The following SDK1 variants were observed in gnomAD, a reference collection of about 807,000 sequenced individuals.
SDK1 encodes protein sidekick-1.
SDK1 carries 157 observed loss-of-function variants against 245.5 expected under a neutral mutation model. The observed-to-expected ratio is 0.64, with a 90% CI of 0.56 to 0.73. The LOEUF is 0.73. Ranked by LOEUF, SDK1 falls within the 30% of genes least tolerant of loss-of-function variation. The probability of loss-of-function intolerance (pLI) is 0.00; values close to 1 mark genes in which losing one functional copy is unlikely to be tolerated. For missense variants in SDK1, 3,583 were observed against 3,002.3 expected, an observed-to-expected ratio of 1.19 and a Z score of -4.52; for synonymous variants, 1,647 against 1,278.5, an observed-to-expected ratio of 1.29 and a Z score of -6.15.
At chr7:3,852,770 A>T (rs1217101867) in intron 5 of SDK1, among the ~76,000 whole-genome samples, 1 of 151,046 alleles carries the variant, frequency 6.6e-6, no homozygotes, top group East Asian at 1.9e-4. Flanking sequence ...AAAAAAAAAA[A>T]AAAAAATTTT....
chr7:3,900,626 T>C (rs558056091), intron 5 of SDK1, among the ~76,000 whole-genome samples: 2 of 152,284 alleles, frequency 1.3e-5, no homozygotes, highest in South Asian at 4.1e-4. Flanking sequence ...TTTTGGAAGA[T>C]TTCAACCTGC....
chr7:3,953,160 G>A (rs1303274485), intron 7 of SDK1, among the ~76,000 whole-genome samples: 3 of 135,506 alleles, frequency 2.2e-5, no homozygotes, highest in Non-Finnish European at 4.8e-5. Context: ...CTGCCACTTT[G>A]CAAAATAAGG....
intron 26 of SDK1, chr7:4,129,638 C>T: frequency 1.5e-6 from 2 of 1,325,038 alleles, no homozygotes; most frequent in South Asian, 1.9e-5. Flanking sequence ...GCAGTTGGGC[C>T]CTCAGATCTT....
intron 4 of SDK1, among the ~76,000 whole-genome samples, chr7:3,678,695 G>C (rs2114980567): frequency 6.6e-6 from 1 of 152,254 alleles, no homozygotes; most frequent in East Asian, 1.9e-4. Flanking sequence ...AAAAGTTCTG[G>C]ATAGAAATAG....
intron 5 of SDK1, among the ~76,000 whole-genome samples, chr7:3,899,207 C>T (rs1339199826): frequency 6.6e-6 from 1 of 152,200 alleles, no homozygotes; most frequent in African/African-American, 2.4e-5. Context: ...AACCTCCATG[C>T]TCTTCTTAAT....
intron 40 of SDK1, among the ~76,000 whole-genome samples, chr7:4,228,429 C>T (rs10269222): frequency 0.073 from 11,109 of 152,302 alleles, 469 homozygotes; most frequent in Middle Eastern, 0.13. Context: ...GAAGTTCAAA[C>T]CCTGGGCCTC....
intron 19 of SDK1, among the ~76,000 whole-genome samples, chr7:4,062,608 G>T (rs1779611332): frequency 6.6e-6 from 1 of 152,126 alleles, no homozygotes; most frequent in South Asian, 2.1e-4. Flanking sequence ...CTCATTTTAT[G>T]AGGTCAGTGT....
rs1007978461 is a variant in SDK1, at chr7:3,969,390, C to G, written c.1680C>G (p.Gly560=). 4 of 1,606,538 alleles carry G rather than the reference C, an allele frequency of 2.5e-6. No individual in the cohort carries two copies. The highest frequency in any genetic ancestry group is 2.2e-5 in the South Asian group (2 of 88,958). The change falls in exon 11 of 45, where the codon GGC becomes GGG. Residue 560 remains glycine (G), a synonymous_variant. Transcript: ENST00000404826. ...CCTGCTATGCGGCCAACACAGAGGG[C>G]TCCCTGAATGCATCGGCCACGCTCA... ...NYTCYAANTE[G]SLNASATLTV...
chr7:4,207,995 C>T (rs1323377294), intron 36 of SDK1, 104 bp from the exon 37 acceptor site: 1 of 845,150 alleles, frequency 1.2e-6, no homozygotes, highest in Non-Finnish European at 1.9e-6. Flanking sequence ...CACAGCTCGC[C>T]CCAGAACTCA....
At chr7:3,731,438 G>T (rs1028938400) in intron 4 of SDK1, among the ~76,000 whole-genome samples, 1 of 152,200 alleles carries the variant, frequency 6.6e-6, no homozygotes, top group African/African-American at 2.4e-5. Flanking sequence ...TGCCATTGCT[G>T]GTGAAATACA....
At chr7:3,592,160 G>T (rs150705480) in intron 1 of SDK1, among the ~76,000 whole-genome samples, 96 of 152,236 alleles carry the variant, frequency 6.3e-4, no homozygotes, top group South Asian at 2.1e-3. Context: ...TTGACTGACC[G>T]CCTGCTGATA....
chr7:4,243,639 C>T (rs1427366537), intron 43 of SDK1, among the ~76,000 whole-genome samples: 1 of 151,988 alleles, frequency 6.6e-6, no homozygotes. Flanking sequence ...GACTTATTCA[C>T]TCTCACGAGA....
At chr7:3,528,426 GATCCTAAGGTGTGAGAAAGTGCTT>G (rs1783225887) in intron 1 of SDK1, among the ~76,000 whole-genome samples, 1 of 151,946 alleles carries the variant, frequency 6.6e-6, no homozygotes, top group African/African-American at 2.4e-5. Context: ...AGTGATCCAG[GATCCTAAGGTGTGAGAAAGTGCTT>G]AGATTTTATT....
At chr7:3,875,597 C>G (rs1037318525) in intron 5 of SDK1, among the ~76,000 whole-genome samples, 8 of 152,200 alleles carry the variant, frequency 5.3e-5, no homozygotes, top group Non-Finnish European at 1.0e-4. Flanking sequence ...TCTTCTCCAT[C>G]TCTCTCAGCT....
chr7:3,503,669 C>T (rs1267270176), intron 1 of SDK1, among the ~76,000 whole-genome samples: 4 of 150,542 alleles, frequency 2.7e-5, no homozygotes, highest in African/African-American at 9.8e-5. Flanking sequence ...AGAGCCAGAC[C>T]TTCATATCTT....
chr7:4,180,929 C>T (rs1782568751), intron 35 of SDK1, among the ~76,000 whole-genome samples: 1 of 152,132 alleles, frequency 6.6e-6, no homozygotes, highest in African/African-American at 2.4e-5. Flanking sequence ...TGGGCAGGGA[C>T]ACATCCAGGC....
At chr7:4,147,092 C>T (rs1470455372) in intron 29 of SDK1, among the ~76,000 whole-genome samples, 1 of 152,334 alleles carries the variant, frequency 6.6e-6, no homozygotes, top group East Asian at 1.9e-4. Context: ...ATGGCCAGAC[C>T]CAGGGACCCT....
Position 4,158,434 on chromosome 7 carries a change from C to G in SDK1, c.4626-14C>G. 6.2e-7 allele frequency: 1 copy of G among 1,608,356 alleles called. No individual in the cohort carries two copies. Among genetic ancestry groups the G allele is most frequent in the Non-Finnish European group, 8.5e-7 (1 of 1,175,882 alleles). The stretch of plus-strand genomic sequence containing the variant: ...GGCAGGGCCCCGGCAGTCACGGTCT[C>G]TTCCACATTGCAGACTGAGGCCCTT... On this transcript the variant is annotated splice_polypyrimidine_tract_variant and intron_variant, in intron 30 of 44. Transcript: ENST00000404826.
At chr7:4,222,816 G>A (rs1008165450) in intron 40 of SDK1, among the ~76,000 whole-genome samples, 2 of 152,198 alleles carry the variant, frequency 1.3e-5, no homozygotes, top group African/African-American at 4.8e-5. Flanking sequence ...GTCACTGCCT[G>A]TGAAAGCCCA....
Sources: allele counts gnomAD v4.1 joint callset (sites outside exome capture counted in the v4.1 genomes callset), GRCh38; gene constraint gnomAD v4.1.1; transcripts MANE v1.5; gene names NCBI Gene and HGNC (gene_info 2026-07-23, HGNC 2026-07-21).